Variants in MARK2 observed in about 807,000 individuals in gnomAD.
MARK2 encodes microtubule affinity regulating kinase 2, also known as serine/threonine-protein kinase MARK2.
MARK2 carries 16 observed loss-of-function variants against 89.8 expected under a neutral mutation model. The observed-to-expected ratio is 0.18, with a 90% confidence interval of 0.12 to 0.27. The LOEUF (loss-of-function observed/expected upper bound fraction) is 0.27, where lower values mean the gene tolerates loss of function less well. Ranked by LOEUF, MARK2 falls within the 10% of genes least tolerant of loss-of-function variation. MARK2 has a pLI of 1.00. For missense variants in MARK2, 621 were observed against 1,049.9 expected (o/e 0.59, Z 5.65); for synonymous variants, 382 against 399.5 (o/e 0.96, Z 0.52).
At chr11:63,860,509 G>A (rs1937693617) in intron 1 of MARK2, among the ~76,000 whole-genome samples, 1 of 150,682 alleles carries the variant, frequency 6.6e-6, no homozygotes, top group African/African-American at 2.4e-5. Context: ...CCGAGATCAT[G>A]CCACTGCACT....
intron 1 of MARK2, among the ~76,000 whole-genome samples, chr11:63,883,896 C>A (rs1160940191): frequency 2.0e-5 from 3 of 152,164 alleles, no homozygotes; most frequent in Non-Finnish European, 4.4e-5. Context: ...CAGATTTTCT[C>A]ATTTAATCTT....
intron 1 of MARK2, among the ~76,000 whole-genome samples, chr11:63,857,547 G>A (rs1029821718): frequency 3.3e-5 from 5 of 152,100 alleles, no homozygotes; most frequent in Non-Finnish European, 5.9e-5. Flanking sequence ...ACTTCCTTTG[G>A]TATATATTTA....
chr11:63,872,671 CTT>C (rs1938522756), intron 1 of MARK2, among the ~76,000 whole-genome samples: 1 of 152,134 alleles, frequency 6.6e-6, no homozygotes, highest in South Asian at 2.1e-4. Flanking sequence ...GACCAACCCG[CTT>C]CTACCGTGGT....
At chr11:63,888,762 G>C in intron 1 of MARK2, 1 of 1,222,172 alleles carries the variant, frequency 8.2e-7, no homozygotes, top group Non-Finnish European at 1.0e-6. Flanking sequence ...GCTCGGCCTG[G>C]CTGCTTAGCT....
rs1941139510 is a variant in MARK2, at chr11:63,904,214, T to C, written c.1676+67T>C. On this transcript the variant is annotated intron_variant, in intron 15 of 18. Transcript: ENST00000402010. The surrounding 1 kb of genome is among the most constrained non-coding windows in gnomAD (Gnocchi z 6.3). ...CCACCCTACCCCCTTGCCCCAACAA[T>C]TTCTTCTTCCCACTTGGGGGTCCTG... 7 of 1,380,140 alleles carry C rather than the reference T, an allele frequency of 5.1e-6. No homozygotes were observed. The East Asian group carries it at 1.8e-4, about 36-fold the overall frequency. The allele number at this position is 1,380,140 out of a possible 1,614,324, so 85.5% of individuals were successfully genotyped here.
chr11:63,894,334 G>A (rs113938153), intron 1 of MARK2, among the ~76,000 whole-genome samples: 2 of 152,214 alleles, frequency 1.3e-5, no homozygotes, highest in Non-Finnish European at 2.9e-5. Context: ...TCTCCTACGC[G>A]GGAGACTCGG....
chr11:63,868,760 G>A (rs912501807), intron 1 of MARK2: 14 of 455,644 alleles, frequency 3.1e-5, no homozygotes, highest in Non-Finnish European at 3.1e-5. Context: ...TTTGATGGGT[G>A]GGCAGAGGAA....
At chr11:63,856,059 C>T (rs1214763480) in intron 1 of MARK2, among the ~76,000 whole-genome samples, 1 of 152,020 alleles carries the variant, frequency 6.6e-6, no homozygotes, top group African/African-American at 2.4e-5. Context: ...GTGAGAAAAC[C>T]ACGGTAGCAG....
chr11:63,856,768 GTTTTTTTTTTTTTTTTTTTTTTTT>G lies in MARK2; in HGVS notation c.54+17222_54+17245del, dbSNP rs71039681. Among the ~76,000 whole-genome samples, 13 of 53,808 alleles carry G rather than the reference GTTTTTTTTTTTTTTTTTTTTTTTT, an allele frequency of 2.4e-4. No individual in the cohort carries two copies. The East Asian group carries it at 7.4e-3, about 31-fold the overall frequency. 35.3% of individuals were successfully genotyped at this position (53,808 alleles called of 152,430 possible). A position where few individuals can be genotyped will look rare whatever the true frequency, so the allele number is the denominator to read the frequency against. ...TTTTTTCCATTTTTAAATTTTTCAT[GTTTTTTTTTTTTTTTTTTTTTTTT>G]TTTTTTTTTTTTTGAGACAAAGTCT... On this transcript the variant is annotated intron_variant, in intron 1 of 18. Transcript: ENST00000402010.
At chr11:63,846,342 C>A (rs917739036) in intron 1 of MARK2, among the ~76,000 whole-genome samples, 1 of 151,832 alleles carries the variant, frequency 6.6e-6, no homozygotes, top group African/African-American at 2.4e-5. Flanking sequence ...CATAGTGAGA[C>A]CTCATTTCTA....
intron 1 of MARK2, among the ~76,000 whole-genome samples, chr11:63,856,017 T>C (rs2016818880): frequency 6.6e-6 from 1 of 152,248 alleles, no homozygotes; most frequent in African/African-American, 2.4e-5. Flanking sequence ...TCAATAATTT[T>C]TTAAGCATAT....
chr11:63,861,800 G>A (rs1461262672), intron 1 of MARK2, among the ~76,000 whole-genome samples: 1 of 147,328 alleles, frequency 6.8e-6, no homozygotes, highest in African/African-American at 2.5e-5. Context: ...AGAGTGCAAC[G>A]GCACGACCTT....
At chr11:63,897,819 T>G (rs1407203321) in intron 3 of MARK2, among the ~76,000 whole-genome samples, 1 of 152,226 alleles carries the variant, frequency 6.6e-6, no homozygotes, top group Admixed American at 6.5e-5. Flanking sequence ...GGTCCCCCTC[T>G]GGTGCTCTAC....
intron 17 of MARK2, among the ~76,000 whole-genome samples, chr11:63,906,875 C>T (rs548331426): frequency 1.6e-4 from 23 of 146,118 alleles, no homozygotes; most frequent in African/African-American, 5.7e-4. Flanking sequence ...CAAGCCTCTT[C>T]TCCTCTAGGC....
chr11:63,850,274 A>G (rs947570655), intron 1 of MARK2, among the ~76,000 whole-genome samples: 7 of 150,082 alleles, frequency 4.7e-5, no homozygotes, highest in Admixed American at 1.3e-4. Context: ...TCAGCCTCCC[A>G]AGTAGCTGGG....
intron 1 of MARK2, among the ~76,000 whole-genome samples, chr11:63,852,923 A>G (rs2016644412): frequency 6.6e-6 from 1 of 152,238 alleles, no homozygotes; most frequent in African/African-American, 2.4e-5. Flanking sequence ...AACTAGAAAT[A>G]AAAAAGTCAC....
intron 2 of MARK2, 100 bp downstream of exon 2, chr11:63,895,438 C>T (rs534928733): frequency 8.6e-5 from 126 of 1,458,726 alleles, no homozygotes; most frequent in Admixed American, 5.6e-4. Flanking sequence ...CTTGTTTATC[C>T]GGCAGAAATG....
At chr11:63,857,835 AT>A (rs1038711493) in intron 1 of MARK2, among the ~76,000 whole-genome samples, 15 of 149,772 alleles carry the variant, frequency 1.0e-4, no homozygotes, top group South Asian at 8.5e-4. Context: ...TGGTTGATAC[AT>A]TTTTTTTTTA....
chr11:63,885,955 C>T (rs1047504498), intron 1 of MARK2, among the ~76,000 whole-genome samples: 8 of 151,858 alleles, frequency 5.3e-5, no homozygotes, highest in African/African-American at 1.7e-4. Flanking sequence ...GGTGAAACCT[C>T]GTCTCTACTA....
Sources: gnomAD v4.1 joint callset for allele counts (sites outside exome capture counted in the v4.1 genomes callset) on GRCh38, gnomAD v4.1.1 for gene constraint, Gnocchi (gnomAD v3.1) non-coding constraint, MANE v1.5 for transcripts, NCBI Gene and HGNC (gene_info 2026-07-23, HGNC 2026-07-21) for gene names.